EIF3H: variants seen among roughly 807,000 people sequenced by gnomAD.
EIF3H encodes the protein eukaryotic translation initiation factor 3 subunit H, also known as eIF-3-gamma.
EIF3H carries 26 observed loss-of-function variants against 44.2 expected under a neutral mutation model. The ratio of observed to expected loss-of-function variants is 0.59; its 90% confidence interval spans 0.43 to 0.82. The LOEUF (loss-of-function observed/expected upper bound fraction) is 0.82. EIF3H is among the 40% of genes least tolerant of loss of function. EIF3H has a pLI of 0.00. For missense variants in EIF3H, 359 were observed against 432.8 expected (o/e 0.83, Z 1.51); for synonymous variants, 166 against 151.9 (o/e 1.09, Z -0.68).
At chr8:116,726,903 C>T (rs116278070) in intron 1 of EIF3H, among the ~76,000 whole-genome samples, 32 of 152,108 alleles carry the variant, frequency 2.1e-4, no homozygotes, top group African/African-American at 7.2e-4. Flanking sequence ...TACAACATGG[C>T]GTTAATATAT....
At chr8:116,676,080 T>C (rs1813841587) in intron 2 of EIF3H, among the ~76,000 whole-genome samples, 1 of 152,226 alleles carries the variant, frequency 6.6e-6, no homozygotes, top group African/African-American at 2.4e-5. Flanking sequence ...AAATGTGATA[T>C]AGGCCCCAGA....
intron 5 of EIF3H, among the ~76,000 whole-genome samples, chr8:116,649,448 G>C (rs1217319814): frequency 6.6e-6 from 1 of 152,086 alleles, no homozygotes; most frequent in Non-Finnish European, 1.5e-5. Context: ...AGAATCTGTA[G>C]TACAGTCTTT....
chr8:116,712,577 G>T (rs1398221586), intron 2 of EIF3H, among the ~76,000 whole-genome samples: 1 of 152,108 alleles, frequency 6.6e-6, no homozygotes. Context: ...ATTACTGGTA[G>T]AAAAAAGCAT....
intron 2 of EIF3H, among the ~76,000 whole-genome samples, chr8:116,713,521 G>T (rs1164368848): frequency 6.6e-6 from 1 of 152,054 alleles, no homozygotes; most frequent in East Asian, 1.9e-4. Flanking sequence ...AATGAAGCTA[G>T]ACTTTGTTCC....
chr8:116,670,493 AAC>A (rs1340405555), intron 2 of EIF3H, among the ~76,000 whole-genome samples: 1 of 152,138 alleles, frequency 6.6e-6, no homozygotes, highest in African/African-American at 2.4e-5. Context: ...TCCTACCAAA[AAC>A]ACAAAGTGCA....
intron 1 of EIF3H, among the ~76,000 whole-genome samples, chr8:116,740,762 C>T (rs1199769107): frequency 1.3e-5 from 2 of 152,120 alleles, no homozygotes; most frequent in African/African-American, 2.4e-5. Context: ...AACTCCCCAA[C>T]CCTGTAGTCT....
At chr8:116,714,076 G>A (rs557911341) in intron 2 of EIF3H, among the ~76,000 whole-genome samples, 8 of 152,076 alleles carry the variant, frequency 5.3e-5, no homozygotes, top group African/African-American at 1.9e-4. Context: ...GGATACTAAA[G>A]CAACAGCAAT....
intron 1 of EIF3H, among the ~76,000 whole-genome samples, chr8:116,736,533 G>A (rs578074074): frequency 2.0e-5 from 3 of 152,196 alleles, no homozygotes; most frequent in South Asian, 2.1e-4. Flanking sequence ...GTGGTGGCAC[G>A]CGCCTATAGT....
upstream of EIF3H, among the ~76,000 whole-genome samples, chr8:116,760,073 T>C (rs1815503415): frequency 6.6e-6 from 1 of 152,154 alleles, no homozygotes. Context: ...ATATATGCTA[T>C]CATGGATCTG....
chr8:116,648,265 G>A (rs1813337117), intron 6 of EIF3H, among the ~76,000 whole-genome samples: 1 of 152,130 alleles, frequency 6.6e-6, no homozygotes, highest in South Asian at 2.1e-4. Context: ...TGGCCTGCAG[G>A]CAACATGAAT....
intron 1 of EIF3H, among the ~76,000 whole-genome samples, chr8:116,741,420 A>C (rs1396037328): frequency 4.6e-5 from 7 of 152,252 alleles, no homozygotes; most frequent in Non-Finnish European, 1.5e-5. Flanking sequence ...TGCATTAAAA[A>C]GAGTTCAATT....
At chr8:116,696,995 T>C in intron 2 of EIF3H, 1 of 430,756 alleles carries the variant, frequency 2.3e-6, no homozygotes, top group Non-Finnish European at 4.7e-6. Flanking sequence ...ATATTACATG[T>C]TAATACAATT....
chr8:116,681,225 T>C lies in EIF3H; in HGVS notation c.290-22245A>G, dbSNP rs141376277. Among the ~76,000 whole-genome samples the C allele has an allele frequency of 7.4e-3, 1,125 of 151,902 alleles. 12 individuals carry two copies. Among genetic ancestry groups the C allele is most frequent in the African/African-American group, 0.025 (1,046 of 41,370 alleles). ...TAAAAATACAAAAATTAGCCAGGTG[T>C]GGTGGAGCACGCCTGTAGTCCTAGC... is the stretch of plus-strand genomic sequence containing the variant. On this transcript the variant is annotated intron_variant, in intron 2 of 7. Coordinates refer to ENST00000521861, the MANE Select transcript of EIF3H (RefSeq NM_003756.3).
chr8:116,748,675 A>G (rs992828760), intron 1 of EIF3H, among the ~76,000 whole-genome samples: 1 of 152,224 alleles, frequency 6.6e-6, no homozygotes, highest in Non-Finnish European at 1.5e-5. Context: ...ACTTTCAGGA[A>G]GCTGATATTC....
intron 2 of EIF3H, among the ~76,000 whole-genome samples, chr8:116,670,766 T>C (rs1016069722): frequency 5.9e-5 from 9 of 152,176 alleles, no homozygotes; most frequent in African/African-American, 1.9e-4. Flanking sequence ...TATAAATAGC[T>C]CTACTGTCAC....
upstream of EIF3H, chr8:116,755,911 C>T: frequency 6.5e-7 from 1 of 1,548,366 alleles, no homozygotes; most frequent in Non-Finnish European, 8.7e-7. Context: ...GAAGGAGAAG[C>T]CAAAATTGGG....
At chr8:116,672,534 G>A (rs1327941288) in intron 2 of EIF3H, among the ~76,000 whole-genome samples, 1 of 152,062 alleles carries the variant, frequency 6.6e-6, no homozygotes, top group African/African-American at 2.4e-5. Flanking sequence ...GGAGAACGAG[G>A]TGGAAGGATC....
chr8:116,762,381 C>T (rs1438250956), intron 1 of EIF3H, among the ~76,000 whole-genome samples: 1 of 152,206 alleles, frequency 6.6e-6, no homozygotes, highest in South Asian at 2.1e-4. Flanking sequence ...ATCCAAGCTC[C>T]TCTTATCTGC....
chr8:116,709,513 T>G (rs1040656794), intron 2 of EIF3H, among the ~76,000 whole-genome samples: 6 of 152,296 alleles, frequency 3.9e-5, no homozygotes, highest in African/African-American at 1.4e-4. Flanking sequence ...AAAGAACTAT[T>G]GTACAAATTT....
Sources: gnomAD v4.1 joint callset for allele counts (sites outside exome capture counted in the v4.1 genomes callset) on GRCh38, gnomAD v4.1.1 for gene constraint, MANE v1.5 for transcripts, NCBI Gene and HGNC (gene_info 2026-07-23, HGNC 2026-07-21) for gene names.